SLC30A8: variants seen among roughly 807,000 people sequenced by gnomAD.
SLC30A8 encodes the protein solute carrier family 30 member 8.
SLC30A8 carries 27 observed loss-of-function variants against 36.9 expected under a neutral mutation model. The observed-to-expected ratio is 0.73, with a 90% CI of 0.54 to 1.01. SLC30A8 has a LOEUF of 1.01. Among genes scored for constraint, SLC30A8 ranks in the 50% least tolerant of loss-of-function variants. The pLI, the probability that SLC30A8 is intolerant of heterozygous loss-of-function variation, is 0.00. For synonymous variants in SLC30A8, 164 were observed against 172.4 expected (o/e 0.95, Z 0.38); for missense variants, 439 against 452.0 (o/e 0.97, Z 0.26).
At chr8:117,161,142 T>C (rs1158945764) in intron 4 of SLC30A8, among the ~76,000 whole-genome samples, 1 of 152,202 alleles carries the variant, frequency 6.6e-6, no homozygotes, top group Non-Finnish European at 1.5e-5. Flanking sequence ...TTTCATACAT[T>C]AATATATTTC....
At chr8:117,027,304 C>T (rs1220757493) in intron 1 of SLC30A8, among the ~76,000 whole-genome samples, 1 of 152,120 alleles carries the variant, frequency 6.6e-6, no homozygotes, top group Non-Finnish European at 1.5e-5. Context: ...GCTACATTAG[C>T]CTGTTTTGTC....
intron 1 of SLC30A8, among the ~76,000 whole-genome samples, chr8:117,025,312 TA>T (rs5894362): frequency 0.13 from 20,466 of 152,198 alleles, 1,450 homozygotes; most frequent in East Asian, 0.18. Flanking sequence ...TCAGTTTTTT[TA>T]AATGCAAGAC....
intron 6 of SLC30A8, among the ~76,000 whole-genome samples, chr8:117,170,206 G>A (rs570553627): frequency 2.6e-5 from 4 of 152,232 alleles, no homozygotes; most frequent in South Asian, 2.1e-4. Flanking sequence ...TAATACTAAT[G>A]TGCATCCAAG....
At chr8:117,062,620 A>C (rs1458432708) in intron 2 of SLC30A8, among the ~76,000 whole-genome samples, 2 of 152,242 alleles carry the variant, frequency 1.3e-5, no homozygotes, top group Non-Finnish European at 2.9e-5. Context: ...TAGGAGACAC[A>C]TATCCAAACC....
intron 1 of SLC30A8, among the ~76,000 whole-genome samples, chr8:117,006,803 G>A (rs2130696693): frequency 9.6e-6 from 1 of 104,056 alleles, no homozygotes. Flanking sequence ...TTTTTTTTGA[G>A]ACGGAATCTG....
chr8:117,120,110 G>GA (rs955401679), intron 2 of SLC30A8, among the ~76,000 whole-genome samples: 12 of 151,294 alleles, frequency 7.9e-5, no homozygotes, highest in South Asian at 2.1e-4. Flanking sequence ...TGCAGAAATA[G>GA]AAAAAAAATC....
At chr8:117,137,588 G>C (rs1221571114) in intron 1 of SLC30A8, among the ~76,000 whole-genome samples, 1 of 151,986 alleles carries the variant, frequency 6.6e-6, no homozygotes, top group Admixed American at 6.6e-5. Flanking sequence ...TAGGCTAGAA[G>C]GTTTAAGATG....
intron 2 of SLC30A8, among the ~76,000 whole-genome samples, chr8:117,084,634 GT>G (rs1429413821): frequency 2.6e-5 from 4 of 151,982 alleles, no homozygotes; most frequent in Non-Finnish European, 1.5e-5. Context: ...ATCTCCTAAT[GT>G]TTAATAAACC....
At chr8:117,023,991 G>T (rs1816794069) in intron 1 of SLC30A8, among the ~76,000 whole-genome samples, 1 of 151,962 alleles carries the variant, frequency 6.6e-6, no homozygotes, top group Non-Finnish European at 1.5e-5. Flanking sequence ...TAAAATATTT[G>T]CTTTTTATTT....
intron 1 of SLC30A8, among the ~76,000 whole-genome samples, chr8:116,970,390 G>A (rs1478081163): frequency 6.6e-6 from 1 of 152,128 alleles, no homozygotes; most frequent in Admixed American, 6.5e-5. Flanking sequence ...ATAAGTAGAA[G>A]GAGTACACTT....
intron 1 of SLC30A8, among the ~76,000 whole-genome samples, chr8:116,995,098 T>G (rs375852968): frequency 6.6e-6 from 1 of 152,116 alleles, no homozygotes; most frequent in Non-Finnish European, 1.5e-5. Context: ...ATAAAACAGA[T>G]ACAAAGCTGC....
At position 117,002,869 on chromosome 8, in the gene SLC30A8, C is replaced by T. The variant is rs568555416; in HGVS notation, c.-265-36350C>T. ...CTGCCTGCCTCGGCCTCCCAAAGTGCTGAGATTATAGGCGTGAGCCACTGT... is the reference window on the plus strand; with the variant it reads ...CTGCCTGCCTCGGCCTCCCAAAGTGTTGAGATTATAGGCGTGAGCCACTGT... On this transcript the variant is annotated intron_variant, in intron 1 of 10. Transcript: ENST00000427715. Among the ~76,000 whole-genome samples the T allele has an allele frequency of 5.1e-3, 776 of 152,242 alleles. 3 individuals carry two copies. Among genetic ancestry groups the T allele is most frequent in the Non-Finnish European group, 7.9e-3 (538 of 68,016 alleles).
intron 2 of SLC30A8, among the ~76,000 whole-genome samples, chr8:117,060,506 G>A (rs1321479202): frequency 6.6e-6 from 1 of 152,118 alleles, no homozygotes; most frequent in Non-Finnish European, 1.5e-5. Flanking sequence ...GCCAAATATA[G>A]ATGCAGGAAA....
At chr8:117,030,258 TA>T (rs34275499) in intron 1 of SLC30A8, among the ~76,000 whole-genome samples, 2,723 of 139,294 alleles carry the variant, frequency 0.02, 49 homozygotes, top group African/African-American at 0.052. Flanking sequence ...TTGCTTTTGT[TA>T]AAAAAAAAAA....
intron 1 of SLC30A8, among the ~76,000 whole-genome samples, chr8:116,981,209 C>G (rs375817146): frequency 6.6e-6 from 1 of 152,184 alleles, no homozygotes; most frequent in East Asian, 1.9e-4. Flanking sequence ...GACTCTCACT[C>G]TAGTATGGTG....
Position 117,114,622 on chromosome 8 carries a change from C to T in SLC30A8, c.-225-20658C>T, listed in dbSNP as rs147191120. Among the ~76,000 whole-genome samples, 639 of 152,090 alleles carry T rather than the reference C, an allele frequency of 4.2e-3. 4 individuals are homozygous for T. Among genetic ancestry groups the T allele is most frequent in the African/African-American group, 0.014 (599 of 41,510 alleles). On this transcript the variant is annotated intron_variant, in intron 2 of 10. Transcript: ENST00000427715. ...GGCTGTTAAGTAAGCCAAAGGGTCT[C>T]GAGTTCCTACCTCTGCTGATTCAGC...
intron 5 of SLC30A8, among the ~76,000 whole-genome samples, chr8:117,162,702 T>C (rs4876370): frequency 0.21 from 32,423 of 152,102 alleles, 3,564 homozygotes; most frequent in East Asian, 0.27. Context: ...TTGAGCAAAA[T>C]GATCACTGAA....
chr8:117,149,671 T>A (rs1822075952), intron 2 of SLC30A8, among the ~76,000 whole-genome samples: 1 of 152,208 alleles, frequency 6.6e-6, no homozygotes, highest in Non-Finnish European at 1.5e-5. Context: ...CAGGAGTGCC[T>A]CCTGCTATCA....
At position 117,176,377 on chromosome 8, in the gene SLC30A8, T is replaced by C. The variant is rs1359655813; in HGVS notation, c.*3696T>C. 3 of 152,420 alleles carry C rather than the reference T, an allele frequency of 2.0e-5. No homozygotes were observed. Among genetic ancestry groups the C allele is most frequent in the Non-Finnish European group, 4.4e-5 (3 of 67,988 alleles). The allele number at this position is 152,420 out of a possible 1,614,324, so 9.4% of individuals were successfully genotyped here. A position where few individuals can be genotyped will look rare whatever the true frequency, so the allele number is the denominator to read the frequency against. ...GCTCTAAAGTGCCTCCAGGAAATGA[T>C]TTTCTCAGCTCATCTCTCTGTATTC... On this transcript the variant is annotated 3_prime_UTR_variant, in exon 8 of 8. Coordinates refer to ENST00000456015, the MANE Select transcript of SLC30A8 (RefSeq NM_173851.3).
Sources: allele counts gnomAD v4.1 joint callset (sites outside exome capture counted in the v4.1 genomes callset), GRCh38; gene constraint gnomAD v4.1.1; transcripts MANE v1.5; gene names NCBI Gene and HGNC (gene_info 2026-07-23, HGNC 2026-07-21).